Variants in NBAS observed in about 807,000 individuals in gnomAD.
NBAS encodes the protein NBAS subunit of NRZ tethering complex.
In NBAS, 219 loss-of-function variants were observed where a neutral mutation model predicts 302.5. The ratio of observed to expected loss-of-function variants is 0.72; its 90% CI spans 0.65 to 0.81. The LOEUF (loss-of-function observed/expected upper bound fraction) is 0.81, where lower values mean the gene tolerates loss of function less well. Ranked by LOEUF, NBAS falls within the 30% of genes least tolerant of loss-of-function variation. NBAS has a pLI of 0.00. For synonymous variants in NBAS, 1,118 were observed against 1,021.6 expected (o/e 1.09, Z -1.80); for missense variants, 2,932 against 2,841.6 (o/e 1.03, Z -0.72).
chr2:15,162,034 G>A (rs1452987077), downstream of NBAS, among the ~76,000 whole-genome samples: 1 of 152,062 alleles, frequency 6.6e-6, no homozygotes, highest in Non-Finnish European at 1.5e-5. Flanking sequence ...CTCTCCTCCT[G>A]ACACTATTGT....
chr2:15,184,960 G>T (rs13432430), intron 50 of NBAS, among the ~76,000 whole-genome samples: 59 of 152,318 alleles, frequency 3.9e-4, no homozygotes, highest in African/African-American at 1.4e-3. Context: ...TCATCTAGAT[G>T]CTAAATTCTA....
chr2:14,818,746 A>G, the NBAS span, among the ~76,000 whole-genome samples: 5 of 152,224 alleles, frequency 3.3e-5, no homozygotes, highest in African/African-American at 1.2e-4. Context: ...AGAAAAACGA[A>G]TCTTCAACTA....
chr2:15,561,256 C>T lies in NBAS; in HGVS notation c.49G>A (p.Gly17Ser), dbSNP rs1573020164. 1.2e-6 allele frequency: 2 copies of T among 1,614,024 alleles called. No individual in the cohort carries two copies. The highest frequency in any genetic ancestry group is 1.7e-4 in the Middle Eastern group (1 of 6,042). Residue 17 changes from glycine (G) to serine (S), a missense_variant, in exon 1 of 52, where the codon GGT becomes AGT. Coordinates refer to ENST00000281513, the MANE Select transcript of NBAS (RefSeq NM_015909.4). ...GPALSPGTAE[G>S]EEETILYDLL... ...TCATAGAGAATCGTCTCCTCCTCAC[C>T]CTCTGCAGTGCCTGGACTCAAAGCC...
At chr2:15,238,041 C>G (rs1364725290) in intron 45 of NBAS, among the ~76,000 whole-genome samples, 1 of 152,122 alleles carries the variant, frequency 6.6e-6, no homozygotes, top group African/African-American at 2.4e-5. Flanking sequence ...TCCCTAAGTG[C>G]TGGGATTACA....
chr2:15,352,918 C>CAACT (rs1448092887), intron 34 of NBAS, among the ~76,000 whole-genome samples: 1 of 152,118 alleles, frequency 6.6e-6, no homozygotes, highest in East Asian at 1.9e-4. Context: ...GGCAGTGTGA[C>CAACT]AACTGCCTGA....
At chr2:15,195,788 G>A (rs1320710261) in intron 48 of NBAS, among the ~76,000 whole-genome samples, 1 of 152,132 alleles carries the variant, frequency 6.6e-6, no homozygotes, top group Non-Finnish European at 1.5e-5. Context: ...GCAAAATGGT[G>A]GAGTTTAACT....
chr2:15,514,985 G>A (rs191093508), intron 9 of NBAS, among the ~76,000 whole-genome samples: 125 of 152,280 alleles, frequency 8.2e-4, no homozygotes, highest in African/African-American at 2.4e-3. Flanking sequence ...ATGATGAAAC[G>A]AATCATGTGT....
intron 51 of NBAS, among the ~76,000 whole-genome samples, chr2:15,169,568 A>G (rs1356580052): frequency 6.6e-6 from 1 of 152,164 alleles, no homozygotes; most frequent in Non-Finnish European, 1.5e-5. Flanking sequence ...CCTCTGACAG[A>G]GGCAGGTTCA....
At chr2:15,419,074 G>C (rs11692646) in intron 23 of NBAS, among the ~76,000 whole-genome samples, 96,995 of 152,030 alleles carry the variant, frequency 0.64, 31,673 homozygotes, top group Middle Eastern at 0.68. Flanking sequence ...ACACTGATTC[G>C]CCATTCATTG....
chr2:15,553,988 C>T (rs1010263791), intron 4 of NBAS, 73 bp downstream of exon 4: 31 of 1,335,780 alleles, frequency 2.3e-5, no homozygotes, highest in Non-Finnish European at 2.9e-5. Context: ...CACAAGCATT[C>T]CAAAATTAAC....
At chr2:15,215,469 C>T (rs1666610422) in intron 48 of NBAS, among the ~76,000 whole-genome samples, 1 of 152,168 alleles carries the variant, frequency 6.6e-6, no homozygotes, top group African/African-American at 2.4e-5. Context: ...GGGTTGGCAG[C>T]CACAGTGAAA....
intron 47 of NBAS, among the ~76,000 whole-genome samples, chr2:15,227,671 A>G (rs981129860): frequency 5.3e-5 from 8 of 152,182 alleles, no homozygotes; most frequent in African/African-American, 1.7e-4. Flanking sequence ...GAGAACCCCA[A>G]AATTAATCCA....
chr2:14,902,520 A>C, the NBAS span, among the ~76,000 whole-genome samples: 3 of 152,184 alleles, frequency 2.0e-5, no homozygotes, highest in African/African-American at 7.2e-5. Flanking sequence ...ACACAGAGAG[A>C]AGCTCTGTAT....
intron 42 of NBAS, 121 bp from the exon 43 acceptor site, chr2:15,277,222 C>CAGTA: frequency 8.0e-7 from 1 of 1,254,478 alleles, no homozygotes; most frequent in Non-Finnish European, 1.1e-6. Flanking sequence ...TACTCAAAGA[C>CAGTA]AGTAAACCAC....
the NBAS span, among the ~76,000 whole-genome samples, chr2:14,809,804 G>A: frequency 2.6e-5 from 4 of 152,344 alleles, no homozygotes; most frequent in East Asian, 7.7e-4. Flanking sequence ...GCACCAGCCT[G>A]TGAAAGCAGT....
At chr2:15,280,103 T>A (rs755298945) in intron 42 of NBAS, among the ~76,000 whole-genome samples, 2 of 152,308 alleles carry the variant, frequency 1.3e-5, no homozygotes, top group African/African-American at 4.8e-5. Flanking sequence ...GAAGCCAGCA[T>A]TAGTTGCACT....
the NBAS span, among the ~76,000 whole-genome samples, chr2:14,932,050 A>G: frequency 6.6e-6 from 1 of 152,208 alleles, no homozygotes; most frequent in South Asian, 2.1e-4. Flanking sequence ...TACAGCAGAA[A>G]TGTCTTTACT....
the NBAS span, among the ~76,000 whole-genome samples, chr2:15,072,241 G>A: frequency 2.2e-4 from 34 of 152,116 alleles, no homozygotes; most frequent in African/African-American, 6.5e-4. Context: ...AAAAATACTC[G>A]CCTTGCTGTT....
At chr2:15,254,138 T>C (rs1023457973) in intron 44 of NBAS, among the ~76,000 whole-genome samples, 2 of 152,062 alleles carry the variant, frequency 1.3e-5, no homozygotes, top group Non-Finnish European at 1.5e-5. Flanking sequence ...TTCTGAGATA[T>C]CTATTCATGT....
Sources: gnomAD v4.1 joint callset for allele counts (sites outside exome capture counted in the v4.1 genomes callset) on GRCh38, gnomAD v4.1.1 for gene constraint, MANE v1.5 for transcripts, NCBI Gene and HGNC (gene_info 2026-07-23, HGNC 2026-07-21) for gene names.